The following SORCS2 variants were observed in gnomAD, a reference collection of about 807,000 sequenced individuals.
SORCS2 encodes sortilin related VPS10 domain containing receptor 2.
SORCS2 carries 100 observed loss-of-function variants against 141.6 expected under a neutral mutation model. The ratio of observed to expected loss-of-function variants is 0.71; its 90% CI spans 0.60 to 0.83. The LOEUF is 0.83. Among genes scored for constraint, SORCS2 ranks in the 40% least tolerant of loss-of-function variants. The pLI is 0.00. For missense variants in SORCS2, 1,646 were observed against 1,560.2 expected (o/e 1.05, Z -0.93); for synonymous variants, 789 against 676.9 (o/e 1.17, Z -2.57).
chr4:7,558,821 A>G (rs1028279785), intron 3 of SORCS2, among the ~76,000 whole-genome samples: 2 of 151,970 alleles, frequency 1.3e-5, no homozygotes, highest in African/African-American at 2.4e-5. Context: ...GCCTCACCCT[A>G]GGGCCTCTAG....
intron 2 of SORCS2, among the ~76,000 whole-genome samples, chr4:7,471,570 C>T (rs752684806): frequency 6.6e-6 from 1 of 152,224 alleles, no homozygotes; most frequent in Non-Finnish European, 1.5e-5. Flanking sequence ...CGGGGCTCGC[C>T]GCCCCTACCC....
chr4:7,694,950 T>TGAGGCTCTCCTC (rs1560489107), intron 11 of SORCS2, among the ~76,000 whole-genome samples: 7 of 151,482 alleles, frequency 4.6e-5, no homozygotes, highest in Non-Finnish European at 1.0e-4. Context: ...AGGCTCTCCT[T>TGAGGCTCTCCTC]GAGGCTCTCC....
rs1371089005 is a variant in SORCS2, at chr4:7,280,751, AAT to A, written c.480+87627_480+87628del. Among the ~76,000 whole-genome samples the A allele has an allele frequency of 5.9e-5, 9 of 152,138 alleles. No homozygotes were observed. In the South Asian group the frequency reaches 1.0e-3, roughly 18 times the overall value. On this transcript the variant is annotated intron_variant, in intron 1 of 26. Coordinates refer to ENST00000507866, the MANE Select transcript of SORCS2 (RefSeq NM_020777.3). Reference sequence around the variant, plus strand: ...CCTGCCTCAGTTTCCCCTTTTGTAAAATACAGAGATGACTAGTACTGCATACG... The same window carrying A: ...CCTGCCTCAGTTTCCCCTTTTGTAAAACAGAGATGACTAGTACTGCATACG...
intron 2 of SORCS2, among the ~76,000 whole-genome samples, chr4:7,519,571 GTC>G (rs1733194554): frequency 6.6e-6 from 1 of 152,192 alleles, no homozygotes; most frequent in Non-Finnish European, 1.5e-5. Context: ...GTGAAGCTGT[GTC>G]TGCCATTTTC....
intron 2 of SORCS2, chr4:7,433,837 A>C: frequency 1.2e-6 from 2 of 1,613,864 alleles, no homozygotes; most frequent in Non-Finnish European, 1.7e-6. Context: ...CACAAGCTGC[A>C]CCAAGGAGGG....
At chr4:7,704,479 C>T (rs1725290474) in intron 14 of SORCS2, among the ~76,000 whole-genome samples, 195 bp downstream of exon 14, 1 of 152,226 alleles carries the variant, frequency 6.6e-6, no homozygotes, top group Non-Finnish European at 1.5e-5. Flanking sequence ...ACCTCTTGAG[C>T]CGGTGATTAT....
chr4:7,631,988 G>A (rs543514057), intron 3 of SORCS2, among the ~76,000 whole-genome samples: 1 of 152,310 alleles, frequency 6.6e-6, no homozygotes, highest in South Asian at 2.1e-4. Context: ...ATTTGTAGAG[G>A]TGACACAGAC....
intron 2 of SORCS2, among the ~76,000 whole-genome samples, chr4:7,500,915 C>T (rs796508638): frequency 5.3e-5 from 8 of 152,344 alleles, no homozygotes; most frequent in African/African-American, 1.9e-4. Context: ...CAGGCTCCAC[C>T]AGCCCCGACT....
intron 2 of SORCS2, among the ~76,000 whole-genome samples, chr4:7,400,920 T>C (rs943485649): frequency 1.3e-5 from 2 of 151,052 alleles, no homozygotes; most frequent in South Asian, 2.1e-4. Flanking sequence ...GATAGATGAA[T>C]GGAGAGATGG....
chr4:7,236,253 CT>C (rs1712262908), intron 1 of SORCS2, among the ~76,000 whole-genome samples: 1 of 152,186 alleles, frequency 6.6e-6, no homozygotes, highest in South Asian at 2.1e-4. Flanking sequence ...CAGAGGAGGT[CT>C]CACTGCAGGT....
At chr4:7,379,828 G>T (rs1021332415) in intron 1 of SORCS2, among the ~76,000 whole-genome samples, 1 of 152,198 alleles carries the variant, frequency 6.6e-6, no homozygotes, top group Non-Finnish European at 1.5e-5. Flanking sequence ...TAGAAAACAC[G>T]CTGAAGGCAG....
intron 2 of SORCS2, among the ~76,000 whole-genome samples, chr4:7,468,291 T>G (rs1729744056): frequency 6.6e-6 from 1 of 152,224 alleles, no homozygotes; most frequent in Admixed American, 6.5e-5. Flanking sequence ...GGTCGCAACC[T>G]TGTTGATGGT....
intron 3 of SORCS2, among the ~76,000 whole-genome samples, chr4:7,599,558 C>T (rs937017565): frequency 6.6e-6 from 1 of 152,224 alleles, no homozygotes. Flanking sequence ...CCACGAACAC[C>T]TTGGCTGCTG....
chr4:7,359,018 T>C (rs920314589), intron 1 of SORCS2, among the ~76,000 whole-genome samples: 2 of 152,170 alleles, frequency 1.3e-5, no homozygotes, highest in African/African-American at 2.4e-5. Flanking sequence ...AAAAAAATTT[T>C]GTGGCCAGGT....
chr4:7,608,786 T>C (rs534612842), intron 3 of SORCS2, among the ~76,000 whole-genome samples: 1 of 142,368 alleles, frequency 7.0e-6, no homozygotes, highest in African/African-American at 2.5e-5. Context: ...ACACCTTCTG[T>C]TGTCTGTGGC....
intron 2 of SORCS2, among the ~76,000 whole-genome samples, chr4:7,414,919 C>T (rs1338511329): frequency 1.3e-5 from 2 of 151,790 alleles, no homozygotes; most frequent in South Asian, 2.1e-4. Context: ...CAACTCCTCA[C>T]AAAACGGGGT....
intron 1 of SORCS2, among the ~76,000 whole-genome samples, chr4:7,327,719 T>C (rs6823860): frequency 0.14 from 20,852 of 152,212 alleles, 2,527 homozygotes; most frequent in African/African-American, 0.32. Context: ...CCCTTTGGTG[T>C]CCTTCGAGGC....
chr4:7,467,436 T>C (rs1276656354), intron 2 of SORCS2, among the ~76,000 whole-genome samples: 3 of 152,152 alleles, frequency 2.0e-5, no homozygotes, highest in Non-Finnish European at 4.4e-5. Context: ...GACTGCCAGG[T>C]CACCTTGTCC....
At chr4:7,577,507 C>G (rs1469526384) in intron 3 of SORCS2, among the ~76,000 whole-genome samples, 18 of 145,674 alleles carry the variant, frequency 1.2e-4, no homozygotes, top group African/African-American at 4.1e-4. Flanking sequence ...CAGCTAGTGC[C>G]ATGGTTTGGA....
Sources: gnomAD v4.1 joint callset for allele counts (sites outside exome capture counted in the v4.1 genomes callset) on GRCh38, gnomAD v4.1.1 for gene constraint, MANE v1.5 for transcripts, NCBI Gene and HGNC (gene_info 2026-07-23, HGNC 2026-07-21) for gene names.